The following CHLSN variants were observed in gnomAD, a reference collection of about 807,000 sequenced individuals.
CHLSN encodes protein cholesin.
chr7:1,070,306 T>G, the CHLSN span, among the ~76,000 whole-genome samples: 1 of 126,204 alleles, frequency 7.9e-6, no homozygotes, highest in African/African-American at 3.0e-5. Flanking sequence ...GGGAGGGAGG[T>G]GGGGGGTCAG....
At chr7:1,061,229 T>C in the CHLSN span, among the ~76,000 whole-genome samples, 1 of 152,092 alleles carries the variant, frequency 6.6e-6, no homozygotes, top group African/African-American at 2.4e-5. Context: ...CTGGCCTGCA[T>C]TCAATACCCC....
At chr7:1,120,571 G>A in the CHLSN span, among the ~76,000 whole-genome samples, 1 of 152,160 alleles carries the variant, frequency 6.6e-6, no homozygotes, top group Non-Finnish European at 1.5e-5. Flanking sequence ...GAGATTACAG[G>A]CACGAGCCAC....
At chr7:1,079,742 G>A in the CHLSN span, among the ~76,000 whole-genome samples, 3 of 152,230 alleles carry the variant, frequency 2.0e-5, no homozygotes, top group Non-Finnish European at 2.9e-5. Context: ...GCCCTCCAGA[G>A]GGTCCAGGGC....
chr7:1,060,308 G>C, the CHLSN span, among the ~76,000 whole-genome samples: 1 of 152,120 alleles, frequency 6.6e-6, no homozygotes, highest in Non-Finnish European at 1.5e-5. Flanking sequence ...CAAATTCACT[G>C]GGCAGCGATC....
At chr7:1,063,777 G>A in the CHLSN span, among the ~76,000 whole-genome samples, 6 of 152,210 alleles carry the variant, frequency 3.9e-5, no homozygotes, top group Middle Eastern at 3.2e-3. Context: ...TTCTGCCCAC[G>A]TTTCTAAGTG....
the CHLSN span, among the ~76,000 whole-genome samples, chr7:1,089,707 C>CT: frequency 0.15 from 18,873 of 123,946 alleles, 1,735 homozygotes; most frequent in Non-Finnish European, 0.18. Flanking sequence ...ATAGGCCAGC[C>CT]TTTTTTTTTT....
At chr7:1,059,485 A>ATAGTGGGGCGGGTCCG in the CHLSN span, among the ~76,000 whole-genome samples, 22 of 146,718 alleles carry the variant, frequency 1.5e-4, no homozygotes, top group Admixed American at 3.4e-4. Flanking sequence ...AGGAGGGTCC[A>ATAGTGGGGCGGGTCCG]TAGTGGGGCG....
At chr7:984,975 C>G in the CHLSN span, 1 of 1,607,228 alleles carries the variant, frequency 6.2e-7, no homozygotes, top group South Asian at 1.1e-5. Flanking sequence ...CTGGGGCGCG[C>G]TGGAGGGCTG....
At chr7:1,033,087 C>T in the CHLSN span, among the ~76,000 whole-genome samples, 1 of 152,234 alleles carries the variant, frequency 6.6e-6, no homozygotes, top group Non-Finnish European at 1.5e-5. Flanking sequence ...CACAGCCCAG[C>T]TCGGTCTGTG....
chr7:1,059,834 T>C, the CHLSN span, among the ~76,000 whole-genome samples: 360 of 29,824 alleles, frequency 0.012, 6 homozygotes, highest in African/African-American at 0.015. Flanking sequence ...GGGGCGGGTC[T>C]GTAGTGAGGC....
the CHLSN span, chr7:1,086,757 AG>A: frequency 1.3e-5 from 2 of 154,858 alleles, no homozygotes; most frequent in Non-Finnish European, 2.9e-5. Flanking sequence ...GGGAGGGGGA[AG>A]GGGGGAGCCC....
chr7:1,032,325 G>C, the CHLSN span, among the ~76,000 whole-genome samples: 2 of 152,254 alleles, frequency 1.3e-5, no homozygotes, highest in Non-Finnish European at 1.5e-5. Flanking sequence ...AGAAGGTGCC[G>C]TGGAGGCCTC....
chr7:1,106,162 G>A, the CHLSN span, among the ~76,000 whole-genome samples: 1 of 152,182 alleles, frequency 6.6e-6, no homozygotes, highest in Non-Finnish European at 1.5e-5. Flanking sequence ...TCCCATCCTC[G>A]AGTCCCGCAC....
At chr7:1,064,037 G>A in the CHLSN span, among the ~76,000 whole-genome samples, 1 of 152,160 alleles carries the variant, frequency 6.6e-6, no homozygotes, top group African/African-American at 2.4e-5. Flanking sequence ...TCTGAGGGGA[G>A]GGAGTCACTT....
At chr7:981,819 G>C in the CHLSN span, among the ~76,000 whole-genome samples, 1 of 152,280 alleles carries the variant, frequency 6.6e-6, no homozygotes, top group East Asian at 1.9e-4. Flanking sequence ...CTTGAACCCA[G>C]GAGTGTGAGA....
At chr7:1,072,209 C>A in the CHLSN span, among the ~76,000 whole-genome samples, 1 of 152,220 alleles carries the variant, frequency 6.6e-6, no homozygotes, top group Non-Finnish European at 1.5e-5. Flanking sequence ...TGGCTGCCCA[C>A]GGTCAGCACA....
the CHLSN span, chr7:1,091,812 C>T: frequency 9.4e-6 from 15 of 1,596,398 alleles, 1 homozygote; most frequent in South Asian, 1.6e-4. Flanking sequence ...ACACCACCTC[C>T]CCCGAGCTCA....
At chr7:1,085,088 G>A in the CHLSN span, among the ~76,000 whole-genome samples, 101 of 152,364 alleles carry the variant, frequency 6.6e-4, no homozygotes, top group African/African-American at 2.4e-3. Flanking sequence ...GGTTTCCTAC[G>A]TGGCATTCAC....
chr7:1,073,530 C>CTT, the CHLSN span, among the ~76,000 whole-genome samples: 7 of 152,082 alleles, frequency 4.6e-5, no homozygotes, highest in Admixed American at 1.3e-4. Context: ...CCTTGAGACA[C>CTT]TTTTTTTACT....
Sources: allele counts gnomAD v4.1 joint callset (sites outside exome capture counted in the v4.1 genomes callset), GRCh38; gene constraint gnomAD v4.1.1; transcripts MANE v1.5; gene names NCBI Gene and HGNC (gene_info 2026-07-23, HGNC 2026-07-21).